PLEKHG6: variants seen among roughly 807,000 people sequenced by gnomAD.
PLEKHG6 encodes the protein pleckstrin homology and RhoGEF domain containing G6.
In PLEKHG6, 91 loss-of-function variants were observed where a neutral mutation model predicts 97.5. That is an observed-to-expected ratio of 0.93 (90% confidence interval 0.79 to 1.11). The LOEUF (loss-of-function observed/expected upper bound fraction) is 1.11, where lower values mean the gene tolerates loss of function less well. PLEKHG6 is among the 50% of genes most tolerant of loss of function. PLEKHG6 has a pLI of 0.00. For synonymous variants in PLEKHG6, 466 were observed against 425.5 expected (o/e 1.10, Z -1.17); for missense variants, 1,044 against 1,031.0 (o/e 1.01, Z -0.17).
At position 6,312,325 on chromosome 12, in the gene PLEKHG6, C is replaced by T; in HGVS notation, c.99C>T (p.Ser33=). 6.3e-7 allele frequency: 1 copy of T among 1,582,316 alleles called. No homozygotes were observed. Among genetic ancestry groups the T allele is most frequent in the Non-Finnish European group, 8.6e-7 (1 of 1,167,688 alleles). ...YGGRHRASAQ[S]TAGRLYPRGY... is the part of the protein sequence containing the mutation. ...GCCGGCATCGAGCCTCTGCTCAGAG[C>T]ACTGCTGGCAGACTCTATCCCCGAG... The change falls in exon 2 of 16, where the codon AGC becomes AGT. Residue 33 remains serine, a synonymous_variant. Transcript: ENST00000684764.
intron 14 of PLEKHG6, among the ~76,000 whole-genome samples, 192 bp from the exon 15 acceptor site, chr12:6,327,062 A>G (rs1301653166): frequency 1.3e-5 from 2 of 152,198 alleles, no homozygotes; most frequent in East Asian, 1.9e-4. Context: ...ATAAAACAGT[A>G]TAGAGGCAGC....
chr12:6,319,026 AGT>A lies in PLEKHG6; in HGVS notation c.1447_1448del (p.Val483LeufsTer77). On this transcript the variant is annotated frameshift_variant, in exon 13 of 16. Transcript: ENST00000684764. LOFTEE classifies it high-confidence loss of function. ...CTGCTGATCCACCTCACTGAATTCC[AGT>A]GTGTCTCCAGCGCCCTCCTTGTGCA... 1 of 1,614,028 alleles carries A rather than the reference AGT, an allele frequency of 6.2e-7. No homozygotes were observed. The highest frequency in any genetic ancestry group is 8.5e-7 in the Non-Finnish European group (1 of 1,179,948).
Position 6,327,402 on chromosome 12 carries a change from C to A in PLEKHG6, c.1819C>A (p.Arg607Ser), listed in dbSNP as rs199510833. 1.1e-5 allele frequency: 18 copies of A among 1,614,036 alleles called. No homozygotes were observed. The African/African-American group carries it at 2.4e-4, about 22-fold the overall frequency. Residue 607 changes from arginine (R) to serine (S), a missense_variant, in exon 15 of 16, where the codon CGT (arginine) becomes AGT (serine). Physicochemically the swap from Arg to Ser is moderately radical, Grantham distance 110. Coordinates refer to ENST00000684764, the MANE Select transcript of PLEKHG6 (RefSeq NM_001384598.1). The stretch of plus-strand genomic sequence containing the variant: ...CACGGGGTCCCGCTCCCCACTGAGC[C>A]GTCTACGCCAAAGAGCCCTTCGGCG... ...TPTGSRSPLS[R>S]LRQRALRRDP...
intron 13 of PLEKHG6, among the ~76,000 whole-genome samples, chr12:6,320,012 G>T (rs1462916034): frequency 3.9e-5 from 6 of 152,192 alleles, no homozygotes; most frequent in Non-Finnish European, 8.8e-5. Flanking sequence ...GAAGGGAAGG[G>T]CATTCCACAT....
In PLEKHG6 at chr12:6,315,292, T is replaced by A. The variant is rs1186412463; in HGVS notation, c.459+123T>A. On this transcript the variant is annotated intron_variant, in intron 4 of 15. Transcript: ENST00000684764. This position sits in a 1 kb window ranked among gnomAD's most constrained non-coding sequence, Gnocchi z 4.5. ...TGTGGAAAAAACATCTGGAAACGCGTTGATCTGGGTTCAGATCCCAGCTCT... is the reference window on the plus strand; with the variant it reads ...TGTGGAAAAAACATCTGGAAACGCGATGATCTGGGTTCAGATCCCAGCTCT... The A allele has an allele frequency of 9.8e-7, 1 of 1,022,342 alleles. No homozygotes were observed. Among genetic ancestry groups the A allele is most frequent in the African/African-American group, 1.6e-5 (1 of 61,794 alleles). 63.3% of individuals were successfully genotyped at this position (1,022,342 alleles called of 1,614,324 possible).
intron 13 of PLEKHG6, among the ~76,000 whole-genome samples, chr12:6,325,773 G>A (rs1947838631): frequency 1.3e-5 from 2 of 152,182 alleles, no homozygotes; most frequent in Non-Finnish European, 2.9e-5. Flanking sequence ...CTGATAACAG[G>A]TCTGCCAATG....
chr12:6,313,084 G>A, intron 2 of PLEKHG6: 5 of 1,530,972 alleles, frequency 3.3e-6, no homozygotes, highest in Non-Finnish European at 2.7e-6. Flanking sequence ...GCCTGCCCTG[G>A]GAGGAGCTGT....
At position 6,328,351 on chromosome 12, in the gene PLEKHG6, T is replaced by A; in HGVS notation, c.*206T>A. On this transcript the variant is annotated 3_prime_UTR_variant, in exon 16 of 16. Transcript: ENST00000684764. ...GGTGCACCTGAGCCCCACAGAAAGT[T>A]GTGCATAAAAATGACTGCCCTGGCT... 1.8e-6 allele frequency: 1 copy of A among 542,762 alleles called. No individual in the cohort carries two copies. The highest frequency in any genetic ancestry group is 2.6e-5 in the South Asian group (1 of 38,226). The allele number at this position is 542,762 out of a possible 1,614,324, so 33.6% of individuals were successfully genotyped here.
chr12:6,316,059 C>T lies in PLEKHG6; in HGVS notation c.606+140C>T. The T allele has an allele frequency of 1.1e-6, 1 of 924,140 alleles. No individual in the cohort carries two copies. Among genetic ancestry groups the T allele is most frequent in the Non-Finnish European group, 1.6e-6 (1 of 619,062 alleles). The allele number at this position is 924,140 out of a possible 1,614,324, so 57.2% of individuals were successfully genotyped here. A position where few individuals can be genotyped will look rare whatever the true frequency, so the allele number is the denominator to read the frequency against. ...CCTTGCCCTCCCTACTTCCCTGTTA[C>T]TGGGGACTCCAAGCAGGCCACAGGC... is the stretch of plus-strand genomic sequence containing the variant. On this transcript the variant is annotated intron_variant, in intron 6 of 15. Coordinates refer to ENST00000684764, the MANE Select transcript of PLEKHG6 (RefSeq NM_001384598.1). This position sits in a 1 kb window ranked among gnomAD's most constrained non-coding sequence, Gnocchi z 4.1.
chr12:6,317,981 A>T lies in PLEKHG6; in HGVS notation c.1142A>T (p.Asp381Val). Residue 381 changes from aspartate to valine, a missense_variant, in exon 10 of 16, where the codon GAT (aspartate) becomes GTT (valine). Coordinates refer to ENST00000684764, the MANE Select transcript of PLEKHG6 (RefSeq NM_001384598.1). ...GPYEVLEPPS[D>V]EVEKNLRPFS... ...TACGAGGTGCTGGAGCCACCCAGTG[A>T]TGAGGTGGAGAAGGTGAGAGGGCAA... 1 of 1,590,394 alleles carries T rather than the reference A, an allele frequency of 6.3e-7. No individual in the cohort carries two copies. The highest frequency in any genetic ancestry group is 1.1e-5 in the South Asian group (1 of 87,244).
At position 6,315,409 on chromosome 12, in the gene PLEKHG6, T is replaced by G. The variant is rs1947420534; in HGVS notation, c.460-145T>G. On this transcript the variant is annotated intron_variant, in intron 4 of 15. Coordinates refer to ENST00000684764, the MANE Select transcript of PLEKHG6 (RefSeq NM_001384598.1). The surrounding 1 kb of genome is among the most constrained non-coding windows in gnomAD (Gnocchi z 4.5). ...AAGTGGGGATAATACCACCTACACATCAGAGCACTGGTTTGAGGATTAAAA... is the reference window on the plus strand; with the variant it reads ...AAGTGGGGATAATACCACCTACACAGCAGAGCACTGGTTTGAGGATTAAAA... 1 of 671,354 alleles carries G rather than the reference T, an allele frequency of 1.5e-6. No homozygotes were observed. Among genetic ancestry groups the G allele is most frequent in the East Asian group, 2.7e-5 (1 of 36,424 alleles). 41.6% of individuals were successfully genotyped at this position (671,354 alleles called of 1,614,324 possible).
Position 6,319,087 on chromosome 12 carries a change from G to A in PLEKHG6, c.1503G>A (p.Leu501=), listed in dbSNP as rs535199135. 1.4e-5 allele frequency: 22 copies of A among 1,607,124 alleles called. No individual in the cohort carries two copies. In the South Asian group the frequency reaches 2.2e-4, roughly 16 times the overall value. The stretch of plus-strand genomic sequence containing the variant: ...GTCCTACAGACCGTGCCCAGTGGCT[G>A]GAGAAGACCCAGCAGGCCCAGGTAT... ...CPSPTDRAQW[L]EKTQQAQAAL... Residue 501 remains leucine (L), a synonymous_variant, in exon 13 of 16, where the codon CTG becomes CTA. Transcript: ENST00000684764.
At chr12:6,322,063 C>T (rs2136772119) in intron 13 of PLEKHG6, among the ~76,000 whole-genome samples, 1 of 152,264 alleles carries the variant, frequency 6.6e-6, no homozygotes, top group African/African-American at 2.4e-5. Flanking sequence ...TCGGCTTAGG[C>T]ACACAGCCTG....
Position 6,316,545 on chromosome 12 carries a change from C to T in PLEKHG6, c.756+141C>T, listed in dbSNP as rs1328613273. The T allele has an allele frequency of 1.4e-6, 1 of 697,988 alleles. No homozygotes were observed. The highest frequency in any genetic ancestry group is 2.2e-6 in the Non-Finnish European group (1 of 451,852). The allele number at this position is 697,988 out of a possible 1,614,324, so 43.2% of individuals were successfully genotyped here. A position where few individuals can be genotyped will look rare whatever the true frequency, so the allele number is the denominator to read the frequency against. Reference sequence around the variant, plus strand: ...ACAGCCCCTACCCCTAATATCACCTCACCTCCTCCCTTCATGCCACAAGTC... The same window carrying T: ...ACAGCCCCTACCCCTAATATCACCTTACCTCCTCCCTTCATGCCACAAGTC... On this transcript the variant is annotated intron_variant, in intron 7 of 15. Coordinates refer to ENST00000684764, the MANE Select transcript of PLEKHG6 (RefSeq NM_001384598.1). The surrounding 1 kb of genome is among the most constrained non-coding windows in gnomAD (Gnocchi z 4.1).
intron 13 of PLEKHG6, chr12:6,319,422 TG>T: frequency 9.8e-7 from 1 of 1,023,090 alleles, no homozygotes; most frequent in Non-Finnish European, 1.4e-6. Flanking sequence ...CACTCTAGCC[TG>T]GGTGACAGAG....
intron 13 of PLEKHG6, among the ~76,000 whole-genome samples, chr12:6,320,063 TGTG>T (rs1947651690): frequency 6.6e-6 from 1 of 152,066 alleles, no homozygotes; most frequent in African/African-American, 2.4e-5. Context: ...GTGAAACAGT[TGTG>T]TGTGTTGAGA....
At position 6,316,007 on chromosome 12, in the gene PLEKHG6, A is replaced by G; in HGVS notation, c.606+88A>G. ...GGGCCCTCCAGCCATCCCTGTCTGA[A>G]TTCCCACTGCCCCGTTTTTTGGGAT... is the stretch of plus-strand genomic sequence containing the variant. On this transcript the variant is annotated intron_variant, in intron 6 of 15. Coordinates refer to ENST00000684764, the MANE Select transcript of PLEKHG6 (RefSeq NM_001384598.1). This position sits in a 1 kb window ranked among gnomAD's most constrained non-coding sequence, Gnocchi z 4.1. 7.9e-7 allele frequency: 1 copy of G among 1,259,458 alleles called. No individual in the cohort carries two copies. The highest frequency in any genetic ancestry group is 1.4e-5 in the South Asian group (1 of 71,434). 78.0% of individuals were successfully genotyped at this position (1,259,458 alleles called of 1,614,324 possible).
Position 6,326,565 on chromosome 12 carries a change from AG to A in PLEKHG6, c.1663del (p.Glu555ArgfsTer16). On this transcript the variant is annotated frameshift_variant, in exon 14 of 16. Coordinates refer to ENST00000684764, the MANE Select transcript of PLEKHG6 (RefSeq NM_001384598.1). LOFTEE classifies it high-confidence loss of function. ...CCCTGGAGGGCTCTCAGAGCAGCGC[AG>A]AGGGGAGGTAAGGCTCACACGGACT... The part of the protein sequence containing the change: ...PSLEGSQSSA[E>X]GRTPEFSTII... 2 of 1,525,796 alleles carry A rather than the reference AG, an allele frequency of 1.3e-6. No individual in the cohort carries two copies. Among genetic ancestry groups the A allele is most frequent in the Non-Finnish European group, 1.8e-6 (2 of 1,141,874 alleles). The allele number at this position is 1,525,796 out of a possible 1,614,324, so 94.5% of individuals were successfully genotyped here.
At chr12:6,312,684 C>T (rs534366876) in intron 2 of PLEKHG6, 75 of 1,185,050 alleles carry the variant, frequency 6.3e-5, no homozygotes, top group South Asian at 5.3e-4. Context: ...CCCAGGCTCC[C>T]GCCTCTGCTT....
Sources: gnomAD v4.1 joint callset for allele counts (sites outside exome capture counted in the v4.1 genomes callset) on GRCh38, gnomAD v4.1.1 for gene constraint, Gnocchi (gnomAD v3.1) non-coding constraint, MANE v1.5 for transcripts, NCBI Gene and HGNC (gene_info 2026-07-23, HGNC 2026-07-21) for gene names.